Variants in SREBF2 observed in about 807,000 individuals in gnomAD.
SREBF2 encodes the protein sterol regulatory element binding transcription factor 2, also known as sterol regulatory element-binding protein 2.
In SREBF2, 55 loss-of-function variants were observed where a neutral mutation model predicts 113.1. The ratio of observed to expected loss-of-function variants is 0.49; its 90% CI spans 0.39 to 0.61. SREBF2 has a LOEUF of 0.61. Among genes scored for constraint, SREBF2 ranks in the 20% least tolerant of loss-of-function variants. The pLI is 0.00. For synonymous variants in SREBF2, 593 were observed against 605.7 expected (o/e 0.98, Z 0.31); for missense variants, 1,349 against 1,487.4 (o/e 0.91, Z 1.53).
At chr22:41,893,401 C>T (rs1569407156) in intron 12 of SREBF2, 116 bp downstream of exon 12, 13 of 1,131,866 alleles carry the variant, frequency 1.1e-5, no homozygotes, top group Middle Eastern at 2.4e-4. Context: ...TTGTTGAGTC[C>T]GTTTGTTTGT....
At chr22:41,875,255 C>A in intron 5 of SREBF2, 82 bp from the exon 6 acceptor site, 1 of 1,168,818 alleles carries the variant, frequency 8.6e-7, no homozygotes, top group Non-Finnish European at 1.3e-6. Context: ...GCCATGCTGT[C>A]ATCCCAAGTG....
intron 4 of SREBF2, 36 bp downstream of exon 4, chr22:41,871,071 C>G (rs370676370): frequency 1.9e-6 from 3 of 1,612,882 alleles, no homozygotes; most frequent in Non-Finnish European, 2.5e-6. Context: ...TCCTCCCTCC[C>G]CCTTTATTCC....
intron 11 of SREBF2, among the ~76,000 whole-genome samples, chr22:41,890,189 C>T (rs1379703478): frequency 2.6e-5 from 4 of 152,260 alleles, no homozygotes; most frequent in Admixed American, 2.6e-4. Flanking sequence ...ACCTGTCAAG[C>T]ACTGCACACC....
chr22:41,835,142 T>G (rs1288227726), intron 1 of SREBF2, among the ~76,000 whole-genome samples: 2 of 152,144 alleles, frequency 1.3e-5, no homozygotes, highest in African/African-American at 4.8e-5. Flanking sequence ...GTTTATCTGA[T>G]TTTTAAATTT....
rs2077504249 is a variant in SREBF2, at chr22:41,905,875, T to C, written c.*215T>C. 1.4e-6 allele frequency: 1 copy of C among 707,778 alleles called. No individual in the cohort carries two copies. The highest frequency in any genetic ancestry group is 2.6e-6 in the Non-Finnish European group (1 of 392,070). The allele number at this position is 707,778 out of a possible 1,614,324, so 43.8% of individuals were successfully genotyped here. A position where few individuals can be genotyped will look rare whatever the true frequency, so the allele number is the denominator to read the frequency against. On this transcript the variant is annotated 3_prime_UTR_variant, in exon 19 of 19. Transcript: ENST00000361204. Reference sequence around the variant, plus strand: ...CCAGGGCCTGGTGGGCGTGAGAGGATAGGTGGCAGGGCAGAAACTGGGCAG... The same window carrying C: ...CCAGGGCCTGGTGGGCGTGAGAGGACAGGTGGCAGGGCAGAAACTGGGCAG...
rs2077503716 is a variant in SREBF2, at chr22:41,905,796, C to T, written c.*136C>T. 2 of 977,754 alleles carry T rather than the reference C, an allele frequency of 2.0e-6. No homozygotes were observed. Among genetic ancestry groups the T allele is most frequent in the Admixed American group, 4.0e-5 (2 of 50,104 alleles). The allele number at this position is 977,754 out of a possible 1,614,324, so 60.6% of individuals were successfully genotyped here. On this transcript the variant is annotated 3_prime_UTR_variant, in exon 19 of 19. Transcript: ENST00000361204. The stretch of plus-strand genomic sequence containing the variant: ...GCCGAGGCTTCTGGGCCACTCAGGC[C>T]AGTGCACCCCTGGGCAGAGCCCCTT...
At chr22:41,892,054 G>T (rs1020664267) in intron 11 of SREBF2, among the ~76,000 whole-genome samples, 1 of 152,150 alleles carries the variant, frequency 6.6e-6, no homozygotes, top group South Asian at 2.1e-4. Context: ...GTTCTTTCTC[G>T]CAGGCTGGTG....
intron 1 of SREBF2, among the ~76,000 whole-genome samples, chr22:41,843,822 AC>A (rs1384377220): frequency 6.6e-6 from 1 of 151,836 alleles, no homozygotes; most frequent in Non-Finnish European, 1.5e-5. Context: ...TACCTGGACA[AC>A]ATAGTGAGAC....
intron 15 of SREBF2, chr22:41,898,984 T>C (rs868149875): frequency 6.6e-6 from 5 of 758,234 alleles, no homozygotes; most frequent in Non-Finnish European, 6.5e-6. Flanking sequence ...TGTCCTGCTC[T>C]GCACAACACG....
chr22:41,904,237 C>T (rs962820535), intron 17 of SREBF2, among the ~76,000 whole-genome samples: 1 of 152,154 alleles, frequency 6.6e-6, no homozygotes, highest in Non-Finnish European at 1.5e-5. Context: ...AGCCCATCAG[C>T]GGCTCCCCAT....
intron 11 of SREBF2, among the ~76,000 whole-genome samples, chr22:41,892,257 G>T (rs1198857439): frequency 6.6e-6 from 1 of 152,188 alleles, no homozygotes; most frequent in Non-Finnish European, 1.5e-5. Context: ...GCCATGTGCC[G>T]AGCACTGTTC....
rs17002745 is a variant in SREBF2, at chr22:41,893,313, T to C, written c.2377+28T>C. ...GAGAATACCTTGGAGCCATTCAGAA[T>C]TGGAGAAAGCCATGCAAACCGCCGG... On this transcript the variant is annotated intron_variant, in intron 12 of 18. Coordinates refer to ENST00000361204, the MANE Select transcript of SREBF2 (RefSeq NM_004599.4). 5.4e-3 allele frequency: 8,782 copies of C among 1,613,666 alleles called. 406 individuals are homozygous for C. In the African/African-American group the frequency reaches 0.1, roughly 19 times the overall value.
intron 11 of SREBF2, among the ~76,000 whole-genome samples, chr22:41,887,838 A>AT (rs150576091): frequency 0.025 from 3,822 of 152,228 alleles, 160 homozygotes; most frequent in African/African-American, 0.087. Flanking sequence ...TATAATGTCA[A>AT]TTTTTTTAAG....
Position 41,906,013 on chromosome 22 carries a change from T to G in SREBF2, c.*353T>G. The stretch of plus-strand genomic sequence containing the variant: ...CTCTCCTTTTTGCTTCCTCAGTTTT[T>G]ATCAGGCTTTCTCTGGGGGACAGCA... On this transcript the variant is annotated 3_prime_UTR_variant, in exon 19 of 19. Coordinates refer to ENST00000361204, the MANE Select transcript of SREBF2 (RefSeq NM_004599.4). 2.0e-6 allele frequency: 1 copy of G among 501,398 alleles called. No homozygotes were observed. Among genetic ancestry groups the G allele is most frequent in the Non-Finnish European group, 3.9e-6 (1 of 257,176 alleles). 31.1% of individuals were successfully genotyped at this position (501,398 alleles called of 1,614,324 possible).
Position 41,843,910 on chromosome 22 carries a change from G to A in SREBF2, c.88+10552G>A, listed in dbSNP as rs1602268789. On this transcript the variant is annotated intron_variant, in intron 1 of 18. Coordinates refer to ENST00000361204, the MANE Select transcript of SREBF2 (RefSeq NM_004599.4). ...ACCAGCCTGTAGTCCCAACTACTTG[G>A]GAGGCTGAGGTGGGAGGATCACTTG... Among the ~76,000 whole-genome samples, 4 of 151,554 alleles carry A rather than the reference G, an allele frequency of 2.6e-5. No homozygotes were observed. In the South Asian group the frequency reaches 8.3e-4, roughly 32 times the overall value.
chr22:41,833,513 G>A lies in SREBF2; in HGVS notation c.88+155G>A, dbSNP rs1423816696. ...GCCCCCGGCGGTCCTCAACCCTTCCGGCGCTGCGAGCGTGAGCCCGACCCA... is the reference window on the plus strand; with the variant it reads ...GCCCCCGGCGGTCCTCAACCCTTCCAGCGCTGCGAGCGTGAGCCCGACCCA... On this transcript the variant is annotated intron_variant, in intron 1 of 18. Coordinates refer to ENST00000361204, the MANE Select transcript of SREBF2 (RefSeq NM_004599.4). This position sits in a 1 kb window ranked among gnomAD's most constrained non-coding sequence, Gnocchi z 4.1. The A allele has an allele frequency of 3.6e-6, 2 of 558,468 alleles. No individual in the cohort carries two copies. Among genetic ancestry groups the A allele is most frequent in the African/African-American group, 2.0e-5 (1 of 50,088 alleles). The allele number at this position is 558,468 out of a possible 1,614,324, so 34.6% of individuals were successfully genotyped here.
intron 16 of SREBF2, among the ~76,000 whole-genome samples, chr22:41,902,534 A>C (rs77117553): frequency 0.012 from 1,878 of 151,994 alleles, 41 homozygotes; most frequent in African/African-American, 0.043. Context: ...TCCTTCCCCC[A>C]GCCCCATCGA....
chr22:41,900,045 A>C (rs2077451853), intron 15 of SREBF2: 2 of 1,355,028 alleles, frequency 1.5e-6, no homozygotes, highest in Non-Finnish European at 9.5e-7. Flanking sequence ...CACACGTTGG[A>C]ATGACTATCT....
chr22:41,838,775 T>TAGGCAAGGAAGATTGG (rs1205868541), intron 1 of SREBF2, among the ~76,000 whole-genome samples: 1 of 151,992 alleles, frequency 6.6e-6, no homozygotes, highest in Non-Finnish European at 1.5e-5. Flanking sequence ...ACGGTGGTGA[T>TAGGCAAGGAAGATTGG]AGGCAAGGAA....
Sources: gnomAD v4.1 joint callset for allele counts (sites outside exome capture counted in the v4.1 genomes callset) on GRCh38, gnomAD v4.1.1 for gene constraint, Gnocchi (gnomAD v3.1) non-coding constraint, MANE v1.5 for transcripts, NCBI Gene and HGNC (gene_info 2026-07-23, HGNC 2026-07-21) for gene names.